KLK2: variants seen among roughly 807,000 people sequenced by gnomAD.
KLK2 encodes kallikrein related peptidase 2.
A neutral mutation model predicts 23.0 loss-of-function variants in KLK2; 17 were observed. The observed-to-expected ratio is 0.74, with a 90% CI of 0.51 to 1.11. The LOEUF (loss-of-function observed/expected upper bound fraction) is 1.11. Ranked by LOEUF, KLK2 falls within the 50% of genes least tolerant of loss-of-function variation. The pLI is 0.00. For synonymous variants in KLK2, 140 were observed against 124.7 expected, an observed-to-expected ratio of 1.12 and a Z score of -0.82; for missense variants, 330 against 325.9, an observed-to-expected ratio of 1.01 and a Z score of -0.10.
At chr19:50,878,343 G>A in intron 4 of KLK2, 61 bp from the exon 5 acceptor site, 1 of 1,522,380 alleles carries the variant, frequency 6.6e-7, no homozygotes, top group Non-Finnish European at 9.0e-7. Flanking sequence ...GAGAGATGGA[G>A]TTGCCTAGGC....
Position 50,878,981 on chromosome 19 carries a change from A to G in KLK2, c.*422A>G, listed in dbSNP as rs1394094112. 14 of 241,690 alleles carry G rather than the reference A, an allele frequency of 5.8e-5. No homozygotes were observed. Among genetic ancestry groups the G allele is most frequent in the Admixed American group, 5.2e-4 (10 of 19,318 alleles). 15.0% of individuals were successfully genotyped at this position (241,690 alleles called of 1,614,324 possible). Reference sequence around the variant, plus strand: ...TCACTGAGGATAAGCTGGAGCCACAATGCATGAGGCACACACACAGCAAGG... The same window carrying G: ...TCACTGAGGATAAGCTGGAGCCACAGTGCATGAGGCACACACACAGCAAGG... On this transcript the variant is annotated 3_prime_UTR_variant, in exon 5 of 5. Coordinates refer to ENST00000325321, the MANE Select transcript of KLK2 (RefSeq NM_005551.5).
intron 2 of KLK2, chr19:50,876,142 C>T: frequency 2.9e-6 from 1 of 344,722 alleles, no homozygotes; most frequent in Non-Finnish European, 5.3e-6. Context: ...TTCTCCCTTC[C>T]TCTTCCCCAT....
chr19:50,874,562 T>C, intron 1 of KLK2, 159 bp from the exon 2 acceptor site: 1 of 578,430 alleles, frequency 1.7e-6, no homozygotes, highest in Non-Finnish European at 3.0e-6. Flanking sequence ...ACGCAGGGAA[T>C]AGCTACAGAA....
chr19:50,875,686 T>C (rs2090276333), intron 2 of KLK2: 1 of 152,358 alleles, frequency 6.6e-6, no homozygotes, highest in Admixed American at 6.6e-5. Context: ...GTAATCCCAA[T>C]TACTAGGGAG....
At position 50,874,889 on chromosome 19, in the gene KLK2, G is replaced by A. The variant is rs1173355680; in HGVS notation, c.206+9G>A. On this transcript the variant is annotated intron_variant, in intron 2 of 4. Transcript: ENST00000325321. The stretch of plus-strand genomic sequence containing the variant: ...GCCCATTGCCTAAAGAAGTAAGTAG[G>A]ACCCTGGGATCTGGGGAGGGAATGG... 14 of 1,611,464 alleles carry A rather than the reference G, an allele frequency of 8.7e-6. No individual in the cohort carries two copies. The highest frequency in any genetic ancestry group is 3.3e-5 in the Admixed American group (2 of 59,718).
chr19:50,877,961 C>T (rs1383384534), intron 4 of KLK2, among the ~76,000 whole-genome samples: 2 of 152,142 alleles, frequency 1.3e-5, no homozygotes, highest in Non-Finnish European at 2.9e-5. Context: ...CTCAGTGGGT[C>T]ATTCTGATCA....
chr19:50,877,358 TG>T (rs1278479880), intron 4 of KLK2: 3 of 330,928 alleles, frequency 9.1e-6, no homozygotes, highest in African/African-American at 6.3e-5. Context: ...GCAGGAACAG[TG>T]GACCCAACAT....
At position 50,878,949 on chromosome 19, in the gene KLK2, C is replaced by T. The variant is rs745433266; in HGVS notation, c.*390C>T. On this transcript the variant is annotated 3_prime_UTR_variant, in exon 5 of 5. Coordinates refer to ENST00000325321, the MANE Select transcript of KLK2 (RefSeq NM_005551.5). ...GACAGTGACACAAGGTGGACACTCT[C>T]TACAGATCACTGAGGATAAGCTGGA... is the stretch of plus-strand genomic sequence containing the variant. 9 of 257,060 alleles carry T rather than the reference C, an allele frequency of 3.5e-5. No individual in the cohort carries two copies. Among genetic ancestry groups the T allele is most frequent in the Non-Finnish European group, 6.0e-5 (8 of 132,368 alleles). The allele number at this position is 257,060 out of a possible 1,614,324, so 15.9% of individuals were successfully genotyped here.
chr19:50,876,932 C>T lies in KLK2; in HGVS notation c.554C>T (p.Ala185Val). Residue 185 changes from alanine to valine, a missense_variant, in exon 4 of 5, where the codon GCT becomes GTT. Physicochemically the swap from Ala to Val is moderately conservative, Grantham distance 64. Transcript: ENST00000325321. ...CATCTCCTGTCCAATGACATGTGTG[C>T]TAGAGCTTACTCTGAGAAGGTGACA... ...SLHLLSNDMC[A>V]RAYSEKVTEF... is the part of the protein sequence containing the mutation. 6.2e-7 allele frequency: 1 copy of T among 1,614,150 alleles called. No homozygotes were observed. The highest frequency in any genetic ancestry group is 8.5e-7 in the Non-Finnish European group (1 of 1,180,006).
intron 2 of KLK2, chr19:50,876,101 C>CT (rs1244026197): frequency 2.3e-5 from 6 of 266,380 alleles, no homozygotes; most frequent in African/African-American, 1.3e-4. Flanking sequence ...TCTCATTTGT[C>CT]TATTTCTCAC....
At position 50,878,469 on chromosome 19, in the gene KLK2, G is replaced by A. The variant is rs1174538762; in HGVS notation, c.696G>A (p.Glu232=). ...VLQGITSWGP[E]PCALPEKPAV... is the part of the protein sequence containing the mutation. ...AAGGTATCACATCATGGGGCCCTGAGCCATGTGCCCTGCCTGAAAAGCCTG... is the reference window on the plus strand; with the variant it reads ...AAGGTATCACATCATGGGGCCCTGAACCATGTGCCCTGCCTGAAAAGCCTG... The change falls in exon 5 of 5, where the codon GAG becomes GAA. Residue 232 remains glutamate (E), a synonymous_variant. Coordinates refer to ENST00000325321, the MANE Select transcript of KLK2 (RefSeq NM_005551.5). 4.3e-6 allele frequency: 7 copies of A among 1,614,086 alleles called. No individual in the cohort carries two copies. In the African/African-American group the frequency reaches 9.3e-5, roughly 22 times the overall value.
intron 2 of KLK2, 172 bp downstream of exon 2, chr19:50,875,052 T>C (rs2090269130): frequency 7.8e-7 from 1 of 1,285,172 alleles, no homozygotes; most frequent in Admixed American, 3.3e-5. Flanking sequence ...ACTCTCCCCA[T>C]GGCTGCCTGG....
Position 50,879,240 on chromosome 19 carries a change from T to C in KLK2, c.*681T>C, listed in dbSNP as rs138813375. The C allele has an allele frequency of 4.0e-3, 934 of 232,938 alleles. 8 individuals carry two copies. Among genetic ancestry groups the C allele is most frequent in the Middle Eastern group, 0.019 (15 of 784 alleles). The allele number at this position is 232,938 out of a possible 1,614,324, so 14.4% of individuals were successfully genotyped here. A position where few individuals can be genotyped will look rare whatever the true frequency, so the allele number is the denominator to read the frequency against. ...AGAGCTATCATGCTGTGGTTTATTATGGTTTGTTACATTGATAGGATACAT... is the reference window on the plus strand; with the variant it reads ...AGAGCTATCATGCTGTGGTTTATTACGGTTTGTTACATTGATAGGATACAT... On this transcript the variant is annotated 3_prime_UTR_variant, in exon 5 of 5. Coordinates refer to ENST00000325321, the MANE Select transcript of KLK2 (RefSeq NM_005551.5).
rs775472259 is a variant in KLK2, at chr19:50,873,529, G to A, written c.46+10G>A. On this transcript the variant is annotated intron_variant, in intron 1 of 4. Coordinates refer to ENST00000325321, the MANE Select transcript of KLK2 (RefSeq NM_005551.5). ...TCTGTGGGGTGCACTGGTGAGATTG[G>A]GGGGATAAAGGAAGGGGGGCGGGTT... The A allele has an allele frequency of 7.0e-7, 1 of 1,435,382 alleles. No homozygotes were observed. 88.9% of individuals were successfully genotyped at this position (1,435,382 alleles called of 1,614,324 possible).
chr19:50,878,562 G>T lies in KLK2; in HGVS notation c.*3G>T. 1 of 1,611,288 alleles carries T rather than the reference G, an allele frequency of 6.2e-7. No individual in the cohort carries two copies. The highest frequency in any genetic ancestry group is 1.1e-5 in the South Asian group (1 of 90,872). ...ACACCATCGCAGCCAACCCCTGAGT[G>T]CCCCTGTCCCACCCCTACCTCTAGT... On this transcript the variant is annotated 3_prime_UTR_variant, in exon 5 of 5. Coordinates refer to ENST00000325321, the MANE Select transcript of KLK2 (RefSeq NM_005551.5).
At chr19:50,878,294 A>G in intron 4 of KLK2, 110 bp from the exon 5 acceptor site, 1 of 1,041,904 alleles carries the variant, frequency 9.6e-7, no homozygotes, top group Non-Finnish European at 1.4e-6. Context: ...TGTTCCTGAG[A>G]GCTGGGAATT....
Position 50,876,465 on chromosome 19 carries a change from TCC to T in KLK2, c.207-4_207-3del. 6.2e-7 allele frequency: 1 copy of T among 1,613,386 alleles called. No homozygotes were observed. On this transcript the variant is annotated splice_region_variant and splice_polypyrimidine_tract_variant and intron_variant, in intron 2 of 4. Coordinates refer to ENST00000325321, the MANE Select transcript of KLK2 (RefSeq NM_005551.5). ...TCTCCTCATGCATCCACCCCCTTCCTCCCCAGGAATAGCCAGGTCTGGCTGGG... is the reference window on the plus strand; with the variant it reads ...TCTCCTCATGCATCCACCCCCTTCCTCCAGGAATAGCCAGGTCTGGCTGGG...
chr19:50,873,591 G>C (rs1461109438), intron 1 of KLK2, 72 bp downstream of exon 1: 2 of 1,124,652 alleles, frequency 1.8e-6, no homozygotes, highest in Non-Finnish European at 2.6e-6. Context: ...CTCCCACCCA[G>C]TGCCCCAGCC....
Position 50,875,473 on chromosome 19 carries a change from A to AGGAG in KLK2, c.206+599_206+602dup, listed in dbSNP as rs574186488. ...TCAGCTGTAGCTGGGTGCACAATTG[A>AGGAG]GGAGGGAGGAAGGAGAAGGGGAAAC... On this transcript the variant is annotated intron_variant, in intron 2 of 4. Coordinates refer to ENST00000325321, the MANE Select transcript of KLK2 (RefSeq NM_005551.5). Among the ~76,000 whole-genome samples, 14 of 152,188 alleles carry AGGAG rather than the reference A, an allele frequency of 9.2e-5. No individual in the cohort carries two copies. In the South Asian group the frequency reaches 2.1e-3, roughly 23 times the overall value.
Sources: gnomAD v4.1 joint callset for allele counts (sites outside exome capture counted in the v4.1 genomes callset) on GRCh38, gnomAD v4.1.1 for gene constraint, MANE v1.5 for transcripts, NCBI Gene and HGNC (gene_info 2026-07-23, HGNC 2026-07-21) for gene names.